Variants in ATPAF2 observed in about 807,000 individuals in gnomAD.
The protein encoded by ATPAF2 is ATP synthase mitochondrial F1 complex assembly factor 2, also known as ATP12 homolog.
In ATPAF2, 30 loss-of-function variants were observed where a neutral mutation model predicts 36.6. That is an observed-to-expected ratio of 0.82 (90% CI 0.61 to 1.11). ATPAF2 has a LOEUF of 1.11. Ranked by LOEUF, ATPAF2 falls within the 50% of genes most tolerant of loss-of-function variation. ATPAF2 has a pLI of 0.00. For missense variants in ATPAF2, 321 were observed against 372.3 expected (o/e 0.86, Z 1.13); for synonymous variants, 140 against 152.6 (o/e 0.92, Z 0.61).
intron 7 of ATPAF2, chr17:18,020,691 T>C (rs1215841090): frequency 6.2e-6 from 1 of 160,056 alleles, no homozygotes; most frequent in Non-Finnish European, 1.4e-5. Flanking sequence ...TTTTTTTTTT[T>C]TTTTTGAGAC....
chr17:18,020,437 C>T (rs988482158), intron 7 of ATPAF2, among the ~76,000 whole-genome samples: 1 of 152,214 alleles, frequency 6.6e-6, no homozygotes, highest in Non-Finnish European at 1.5e-5. Context: ...TTTATCCACC[C>T]GTGAACCTCC....
downstream of ATPAF2, chr17:18,016,438 G>C (rs972731449): frequency 2.4e-6 from 2 of 823,056 alleles, no homozygotes; most frequent in Admixed American, 2.6e-5. Context: ...GGGAGGCGCT[G>C]AAGCAAATGA....
intron 4 of ATPAF2, 107 bp downstream of exon 4, chr17:18,026,212 G>C (rs996724551): frequency 8.9e-7 from 1 of 1,128,190 alleles, no homozygotes; most frequent in Non-Finnish European, 1.4e-6. Flanking sequence ...CACCTTCCTT[G>C]TCCTTGCAAT....
intron 1 of ATPAF2, among the ~76,000 whole-genome samples, chr17:18,033,652 G>C (rs2044667944): frequency 2.0e-5 from 3 of 152,166 alleles, no homozygotes; most frequent in Admixed American, 2.0e-4. Context: ...TGGTTTCAGA[G>C]CTGTCTCAGT....
intron 3 of ATPAF2, among the ~76,000 whole-genome samples, chr17:18,027,012 G>C (rs2145500265): frequency 6.6e-6 from 1 of 152,196 alleles, no homozygotes. Flanking sequence ...CCTGAGGTCA[G>C]GAGTTCAAGA....
chr17:18,016,170 C>G (rs1292233119), downstream of ATPAF2: 1 of 1,614,016 alleles, frequency 6.2e-7, no homozygotes, highest in Non-Finnish European at 8.5e-7. Flanking sequence ...AGAATCAACT[C>G]TTGGTGTACA....
In ATPAF2 at chr17:18,028,195, G is replaced by T. The variant is rs374437214; in HGVS notation, c.324+37C>A. 81 of 1,613,470 alleles carry T rather than the reference G, an allele frequency of 5.0e-5. No homozygotes were observed. In the African/African-American group the frequency reaches 8.7e-4, roughly 17 times the overall value. On this transcript the variant is annotated intron_variant, in intron 3 of 7. Transcript: ENST00000474627. ...GGTCTACCCTACGAAGCCCTGGGTG[G>T]GTCTCAGGGTCCAGGTTCACACTGT...
At chr17:18,034,705 G>C (rs538683337) in intron 1 of ATPAF2, among the ~76,000 whole-genome samples, 1 of 152,302 alleles carries the variant, frequency 6.6e-6, no homozygotes, top group Admixed American at 6.5e-5. Flanking sequence ...GTTACCATTT[G>C]ACCCAGTAAT....
Position 18,018,667 on chromosome 17 carries a change from A to C in ATPAF2, c.752T>G (p.Ile251Ser), listed in dbSNP as rs574324383. ...CAGCTCATAGTCATGGGCCCACTCA[A>C]TGTTGCCCCACTTCTGGATCTGAGG... The part of the protein sequence containing the change: ...EEYQIQKWGN[I>S]EWAHDYELQE... Residue 251 changes from isoleucine to serine, a missense_variant, in exon 8 of 8, where the codon ATT becomes AGT. This residue lies in a region of ATPAF2 where 199 missense variants were observed against 220.6 expected (regional missense o/e 0.90). Coordinates refer to ENST00000474627, the MANE Select transcript of ATPAF2 (RefSeq NM_145691.4). 2 of 1,613,982 alleles carry C rather than the reference A, an allele frequency of 1.2e-6. No individual in the cohort carries two copies. The highest frequency in any genetic ancestry group is 3.3e-5 in the Admixed American group (2 of 60,016).
In ATPAF2 at chr17:18,021,219, G is replaced by C; in HGVS notation, c.636C>G (p.Ala212=). ...AGGTTAGCACCATGGACTTGAGCTG[G>C]GCAGCTACAAACTCAATCCCTGCAG... ...WALQGIEFVA[A]QLKSMVLTLG... is the part of the protein sequence containing the mutation. The change falls in exon 7 of 8, where the codon GCC becomes GCG. Residue 212 remains alanine, a synonymous_variant. Transcript: ENST00000474627. 1 of 1,613,604 alleles carries C rather than the reference G, an allele frequency of 6.2e-7. No homozygotes were observed. Among genetic ancestry groups the C allele is most frequent in the East Asian group, 2.2e-5 (1 of 44,860 alleles).
Position 18,018,240 on chromosome 17 carries a change from C to G in ATPAF2, c.*309G>C. The G allele has an allele frequency of 2.3e-6, 1 of 427,894 alleles. No individual in the cohort carries two copies. The allele number at this position is 427,894 out of a possible 1,614,324, so 26.5% of individuals were successfully genotyped here. ...AAGAATGGAGAAGTGCAGAGGCATA[C>G]GTGAAAACAGGGCTCAGCACATTTC... On this transcript the variant is annotated 3_prime_UTR_variant, in exon 8 of 8. Coordinates refer to ENST00000474627, the MANE Select transcript of ATPAF2 (RefSeq NM_145691.4).
downstream of ATPAF2, chr17:18,016,617 C>G: frequency 6.2e-7 from 1 of 1,613,828 alleles, no homozygotes; most frequent in Non-Finnish European, 8.5e-7. Context: ...ATCAGTACAT[C>G]GACCACATGC....
intron 1 of ATPAF2, 42 bp from the exon 2 acceptor site, chr17:18,028,701 T>G: frequency 1.9e-6 from 3 of 1,587,134 alleles, no homozygotes; most frequent in Non-Finnish European, 2.6e-6. Flanking sequence ...AAAATAACGT[T>G]GAGACAACTC....
chr17:18,016,549 A>G, downstream of ATPAF2: 1 of 1,597,998 alleles, frequency 6.3e-7, no homozygotes, highest in South Asian at 1.1e-5. Flanking sequence ...CTTTGGTTTC[A>G]CTCCTCAGAT....
At chr17:18,028,044 G>C (rs2044573127) in intron 3 of ATPAF2, 188 bp downstream of exon 3, 3 of 698,200 alleles carry the variant, frequency 4.3e-6, no homozygotes, top group Non-Finnish European at 7.7e-6. Context: ...CTAGGAGAGA[G>C]AGCTGCAAGT....
rs199581881 is a variant in ATPAF2 at position 18,028,570 on chromosome 17, C to A, written c.178+45G>T. Reference sequence around the variant, plus strand: ...GATGAAAAATGTTCCCAACCATTCACAAAAAAAAAAAAAAAAAGAGGCAGT... The same window carrying A: ...GATGAAAAATGTTCCCAACCATTCAAAAAAAAAAAAAAAAAAAGAGGCAGT... On this transcript the variant is annotated intron_variant, in intron 2 of 7. Coordinates refer to ENST00000474627, the MANE Select transcript of ATPAF2 (RefSeq NM_145691.4). The A allele has an allele frequency of 1.5e-3, 2,009 of 1,349,334 alleles. No homozygotes were observed. Among genetic ancestry groups the A allele is most frequent in the Admixed American group, 5.8e-3 (265 of 45,838 alleles). 83.6% of individuals were successfully genotyped at this position (1,349,334 alleles called of 1,614,324 possible). A position where few individuals can be genotyped will look rare whatever the true frequency, so the allele number is the denominator to read the frequency against.
At chr17:18,028,462 C>G (rs931618772) in intron 2 of ATPAF2, 85 bp from the exon 3 acceptor site, 1 of 1,572,348 alleles carries the variant, frequency 6.4e-7, no homozygotes, top group Non-Finnish European at 8.7e-7. Flanking sequence ...TGAATTGGTG[C>G]AGACAAAGCC....
intron 3 of ATPAF2, among the ~76,000 whole-genome samples, chr17:18,027,661 C>G (rs941061836): frequency 1.3e-5 from 2 of 152,196 alleles, no homozygotes; most frequent in Admixed American, 1.3e-4. Context: ...CCCCAGGCAG[C>G]CTTGGTGCCT....
rs897611506 is a variant in ATPAF2 at position 18,021,687 on chromosome 17, T to C, written c.616+58A>G. 3.4e-6 allele frequency: 5 copies of C among 1,456,822 alleles called. No individual in the cohort carries two copies. In the African/African-American group the frequency reaches 7.0e-5, roughly 20 times the overall value. 90.2% of individuals were successfully genotyped at this position (1,456,822 alleles called of 1,614,324 possible). ...ACCTGGGGAGGGGCAAGTACAGGCT[T>C]CAGACACTGATGGCCTTCACAGCCA... On this transcript the variant is annotated intron_variant, in intron 6 of 7. Transcript: ENST00000474627.
Sources: allele counts gnomAD v4.1 joint callset (sites outside exome capture counted in the v4.1 genomes callset), GRCh38; gene constraint gnomAD v4.1.1; regional missense constraint gnomAD v4.1.1; transcripts MANE v1.5; gene names NCBI Gene and HGNC (gene_info 2026-07-23, HGNC 2026-07-21).